The following EYS variants were observed in gnomAD, a reference collection of about 807,000 sequenced individuals.
The protein encoded by EYS is EGF-like photoreceptor maintenance factor.
In EYS, 250 loss-of-function variants were observed where a neutral mutation model predicts 282.1. The observed-to-expected ratio is 0.89, with a 90% CI of 0.80 to 0.98. EYS has a LOEUF of 0.98. Among genes scored for constraint, EYS ranks in the 50% least tolerant of loss-of-function variants. The pLI is 0.00. For missense variants in EYS, 4,016 were observed against 3,709.0 expected, an observed-to-expected ratio of 1.08 and a Z score of -2.15; for synonymous variants, 1,355 against 1,282.9, an observed-to-expected ratio of 1.06 and a Z score of -1.20.
At chr6:65,618,401 T>A (rs1229627319) in intron 2 of EYS, among the ~76,000 whole-genome samples, 4 of 152,228 alleles carry the variant, frequency 2.6e-5, no homozygotes, top group African/African-American at 4.8e-5. Flanking sequence ...GATGGGGCTG[T>A]TTGTTTTTTT....
intron 31 of EYS, among the ~76,000 whole-genome samples, chr6:64,193,421 C>T (rs554305809): frequency 9.2e-5 from 14 of 152,160 alleles, no homozygotes; most frequent in Middle Eastern, 3.4e-3. Flanking sequence ...TGTCATTCTC[C>T]TGCCTCAGCC....
intron 37 of EYS, among the ~76,000 whole-genome samples, chr6:63,804,063 C>T (rs781649072): frequency 1.3e-5 from 2 of 152,150 alleles, no homozygotes; most frequent in Non-Finnish European, 2.9e-5. Flanking sequence ...GTTGCCCAGG[C>T]TGGAGTGCAA....
chr6:65,434,541 C>T (rs1031275842), intron 5 of EYS, among the ~76,000 whole-genome samples: 13 of 152,094 alleles, frequency 8.5e-5, no homozygotes, highest in Non-Finnish European at 1.8e-4. Context: ...AGGACGGTTT[C>T]GATCTCCTCA....
intron 29 of EYS, among the ~76,000 whole-genome samples, chr6:64,382,653 A>C (rs897324220): frequency 6.6e-6 from 1 of 152,228 alleles, no homozygotes; most frequent in Non-Finnish European, 1.5e-5. Flanking sequence ...AACTATGATT[A>C]AATGAATGGA....
chr6:64,837,833 G>A (rs1171254698), intron 19 of EYS, among the ~76,000 whole-genome samples: 2 of 151,130 alleles, frequency 1.3e-5, no homozygotes, highest in African/African-American at 4.8e-5. Context: ...AAAAAGAATA[G>A]ACATTGAAGA....
intron 22 of EYS, among the ~76,000 whole-genome samples, chr6:64,772,717 A>G (rs7757027): frequency 0.012 from 1,885 of 151,900 alleles, 42 homozygotes; most frequent in African/African-American, 0.043. Flanking sequence ...CCATGAGTTC[A>G]ATGGTTTTAA....
intron 27 of EYS, among the ~76,000 whole-genome samples, chr6:64,438,634 A>C (rs891479360): frequency 6.8e-6 from 1 of 147,266 alleles, no homozygotes; most frequent in Non-Finnish European, 1.5e-5. Flanking sequence ...AAAGAAGTAG[A>C]AGAAAAGTTG....
intron 26 of EYS, among the ~76,000 whole-genome samples, chr6:64,502,151 G>T (rs2150512673): frequency 6.6e-6 from 1 of 152,274 alleles, no homozygotes; most frequent in Non-Finnish European, 1.5e-5. Flanking sequence ...CTTATAGTGA[G>T]GGTGGGTATA....
intron 11 of EYS, among the ~76,000 whole-genome samples, chr6:65,317,704 C>G: frequency 6.6e-6 from 1 of 152,084 alleles, no homozygotes. Flanking sequence ...GGAGAATCCA[C>G]TGTTAAGCTC....
chr6:64,550,440 G>A (rs1450658391), intron 26 of EYS, among the ~76,000 whole-genome samples: 1 of 152,118 alleles, frequency 6.6e-6, no homozygotes, highest in African/African-American at 2.4e-5. Context: ...TAACTGATAT[G>A]AGATGGTATC....
rs935323207 is a variant in EYS, at chr6:64,822,736, T to A, written c.3079A>T (p.Thr1027Ser). Residue 1027 changes from threonine to serine, a missense_variant, in exon 20 of 43, where the codon ACC (threonine) becomes TCC (serine). Thr to Ser is a moderately conservative substitution (Grantham distance 58, BLOSUM62 1). Transcript: ENST00000503581. ...GVCIDGINHY[T>S]CDCKSGFFGT... The stretch of plus-strand genomic sequence containing the variant: ...AAAAACCCACTCTTGCAGTCACAGG[T>A]ATAATGATTGATGCCATCGATACAA... 2 of 1,550,086 alleles carry A rather than the reference T, an allele frequency of 1.3e-6. No homozygotes were observed. The highest frequency in any genetic ancestry group is 2.4e-5 in the South Asian group (2 of 83,878).
chr6:65,452,694 GT>G (rs994427312), intron 5 of EYS, among the ~76,000 whole-genome samples: 3 of 152,046 alleles, frequency 2.0e-5, no homozygotes, highest in Admixed American at 6.6e-5. Context: ...AGAGCTTTCT[GT>G]GCATTATTCC....
chr6:65,168,357 C>T (rs1246704373), intron 12 of EYS, among the ~76,000 whole-genome samples: 4 of 151,146 alleles, frequency 2.6e-5, no homozygotes, highest in African/African-American at 9.7e-5. Context: ...TAACAGAATA[C>T]CATAAGCTGG....
intron 33 of EYS, among the ~76,000 whole-genome samples, chr6:64,055,648 G>A (rs1770959812): frequency 6.6e-6 from 1 of 152,110 alleles, no homozygotes; most frequent in Non-Finnish European, 1.5e-5. Context: ...GGCATTATTT[G>A]GAGTTACATG....
chr6:65,298,557 C>T (rs766084541), intron 11 of EYS, among the ~76,000 whole-genome samples: 12 of 151,718 alleles, frequency 7.9e-5, no homozygotes, highest in Admixed American at 2.0e-4. Flanking sequence ...CTTGTGTACT[C>T]GTCTTTTTAA....
intron 1 of EYS, among the ~76,000 whole-genome samples, chr6:65,653,399 A>T (rs1168328120): frequency 6.6e-6 from 1 of 152,080 alleles, no homozygotes; most frequent in Non-Finnish European, 1.5e-5. Flanking sequence ...CAATGAAGAT[A>T]AAATTGCCAC....
At chr6:64,291,069 G>C (rs1422230010) in intron 30 of EYS, among the ~76,000 whole-genome samples, 1 of 50,342 alleles carries the variant, frequency 2.0e-5, no homozygotes, top group Non-Finnish European at 4.3e-5. Context: ...AAGCTCTTCT[G>C]TTGCAAAGCT....
At chr6:65,400,327 C>T (rs1403264695) in intron 7 of EYS, among the ~76,000 whole-genome samples, 1 of 151,928 alleles carries the variant, frequency 6.6e-6, no homozygotes, top group East Asian at 1.9e-4. Flanking sequence ...AAAGTATTCA[C>T]ATAAACAATC....
chr6:63,758,698 T>G (rs1293866447), intron 41 of EYS, among the ~76,000 whole-genome samples: 1 of 152,148 alleles, frequency 6.6e-6, no homozygotes, highest in Non-Finnish European at 1.5e-5. Context: ...ATGTATACTT[T>G]AAAGATTTTA....
Sources: gnomAD v4.1 joint callset for allele counts (sites outside exome capture counted in the v4.1 genomes callset) on GRCh38, gnomAD v4.1.1 for gene constraint, MANE v1.5 for transcripts, NCBI Gene and HGNC (gene_info 2026-07-23, HGNC 2026-07-21) for gene names.